Variants in SNTG1 observed in about 807,000 individuals in gnomAD.
The protein encoded by SNTG1 is syntrophin gamma 1.
SNTG1 carries 39 observed loss-of-function variants against 74.7 expected under a neutral mutation model. The observed-to-expected ratio is 0.52, with a 90% confidence interval of 0.40 to 0.68. The LOEUF is 0.68. SNTG1 is among the 30% of genes least tolerant of loss of function. SNTG1 has a pLI of 0.00. For missense variants in SNTG1, 685 were observed against 609.5 expected, an observed-to-expected ratio of 1.12 and a Z score of -1.30; for synonymous variants, 254 against 217.1, an observed-to-expected ratio of 1.17 and a Z score of -1.49.
At position 50,394,225 on chromosome 8, in the gene SNTG1, T is replaced by A. The variant is rs769116610; in HGVS notation, c.-14T>A. The A allele has an allele frequency of 1.6e-5, 25 of 1,612,682 alleles. No individual in the cohort carries two copies. Among genetic ancestry groups the A allele is most frequent in the Non-Finnish European group, 2.1e-5 (25 of 1,179,238 alleles). ...GTGTCTTTTCAGACGACATCCTTTG[T>A]GGTGCCACAGCACATGGATTTCAGA... On this transcript the variant is annotated 5_prime_UTR_variant, in exon 3 of 19. Coordinates refer to ENST00000642720, the MANE Select transcript of SNTG1 (RefSeq NM_018967.5).
chr8:50,122,779 A>C (rs1312665410), intron 1 of SNTG1, among the ~76,000 whole-genome samples: 1 of 141,616 alleles, frequency 7.1e-6, no homozygotes, highest in African/African-American at 2.6e-5. Flanking sequence ...AATTCAAGAG[A>C]TATACCAGCT....
intron 2 of SNTG1, among the ~76,000 whole-genome samples, chr8:50,347,836 T>G (rs573081908): frequency 2.6e-5 from 4 of 152,222 alleles, no homozygotes; most frequent in Non-Finnish European, 4.4e-5. Flanking sequence ...CATACGTACT[T>G]AAATATTCAC....
At chr8:50,335,799 T>C (rs1563913485) in intron 2 of SNTG1, among the ~76,000 whole-genome samples, 1 of 151,328 alleles carries the variant, frequency 6.6e-6, no homozygotes, top group Non-Finnish European at 1.5e-5. Context: ...CACTGCCAAT[T>C]CTATGCTTTT....
chr8:50,246,637 T>C (rs4345571), intron 2 of SNTG1, among the ~76,000 whole-genome samples: 137,061 of 152,102 alleles, frequency 0.9, 63,000 homozygotes, highest in East Asian at 1. Context: ...GAGGAATGAA[T>C]AGGAGCATTA....
intron 1 of SNTG1, among the ~76,000 whole-genome samples, chr8:50,078,173 T>C (rs1256803288): frequency 1.3e-5 from 2 of 152,230 alleles, no homozygotes; most frequent in African/African-American, 4.8e-5. Flanking sequence ...ACTATCTTGA[T>C]TTCTGTAAGA....
chr8:50,363,634 C>G (rs2092025451), intron 2 of SNTG1, among the ~76,000 whole-genome samples: 1 of 152,132 alleles, frequency 6.6e-6, no homozygotes, highest in Non-Finnish European at 1.5e-5. Flanking sequence ...AAATATTAAG[C>G]ATGTGACATC....
At chr8:50,295,277 G>A (rs1028023076) in intron 2 of SNTG1, among the ~76,000 whole-genome samples, 3 of 152,098 alleles carry the variant, frequency 2.0e-5, no homozygotes, top group Non-Finnish European at 2.9e-5. Flanking sequence ...TAATGGCAAC[G>A]TTGATAGGAG....
At chr8:50,755,631 T>C (rs2095578450) in intron 18 of SNTG1, among the ~76,000 whole-genome samples, 1 of 151,914 alleles carries the variant, frequency 6.6e-6, no homozygotes, top group Non-Finnish European at 1.5e-5. Context: ...TGGAGTGTGA[T>C]TGCTAGATCA....
chr8:50,342,004 C>A, intron 2 of SNTG1, among the ~76,000 whole-genome samples: 1 of 151,956 alleles, frequency 6.6e-6, no homozygotes, highest in Non-Finnish European at 1.5e-5. Context: ...TGCTTTTCAT[C>A]ATCATTTCAT....
At chr8:50,289,657 G>T (rs542667427) in intron 2 of SNTG1, among the ~76,000 whole-genome samples, 22 of 152,238 alleles carry the variant, frequency 1.4e-4, no homozygotes, top group African/African-American at 5.1e-4. Flanking sequence ...TGTCTGTTTT[G>T]CGCTTTGCTG....
intron 2 of SNTG1, among the ~76,000 whole-genome samples, chr8:50,183,190 G>C (rs2083268224): frequency 1.3e-5 from 2 of 152,040 alleles, no homozygotes; most frequent in Non-Finnish European, 2.9e-5. Flanking sequence ...ACATCAACCT[G>C]GTCACTCCTG....
At chr8:50,728,249 C>T (rs1224175577) in intron 17 of SNTG1, among the ~76,000 whole-genome samples, 7 of 152,236 alleles carry the variant, frequency 4.6e-5, no homozygotes, top group East Asian at 1.9e-4. Flanking sequence ...TAACTATATA[C>T]GAAGAGGCCA....
intron 2 of SNTG1, among the ~76,000 whole-genome samples, chr8:50,393,482 G>T (rs2092688937): frequency 6.6e-6 from 1 of 152,056 alleles, no homozygotes; most frequent in Non-Finnish European, 1.5e-5. Context: ...GCATTGCTTT[G>T]TTTTATAGTG....
At chr8:50,221,042 A>G (rs768074456) in intron 2 of SNTG1, among the ~76,000 whole-genome samples, 20 of 152,326 alleles carry the variant, frequency 1.3e-4, no homozygotes, top group Admixed American at 2.0e-4. Flanking sequence ...TACTGGTATT[A>G]CATATATTAT....
At chr8:50,026,918 G>A (rs764051098) in intron 1 of SNTG1, among the ~76,000 whole-genome samples, 1 of 152,100 alleles carries the variant, frequency 6.6e-6, no homozygotes, top group Admixed American at 6.6e-5. Flanking sequence ...AAATGCACAA[G>A]CCCCAAATGT....
chr8:50,492,404 GT>G (rs935219539), intron 8 of SNTG1, among the ~76,000 whole-genome samples: 2 of 152,160 alleles, frequency 1.3e-5, no homozygotes, highest in African/African-American at 4.8e-5. Flanking sequence ...GGCATCTGTT[GT>G]TTCCTGAATT....
In SNTG1 at chr8:50,122,621, G is replaced by A. The variant is rs1483565715; in HGVS notation, c.-102-49940G>A. Reference sequence around the variant, plus strand: ...AATAACTAATTAAAGGAGGTGAGGCGGTAGCTCAGGAGCAGTGGGAAGATG... The same window carrying A: ...AATAACTAATTAAAGGAGGTGAGGCAGTAGCTCAGGAGCAGTGGGAAGATG... On this transcript the variant is annotated intron_variant, in intron 1 of 18. Transcript: ENST00000642720. Among the ~76,000 whole-genome samples the A allele has an allele frequency of 2.8e-5, 4 of 141,868 alleles. 1 individual carries two copies. Among genetic ancestry groups the A allele is most frequent in the Non-Finnish European group, 6.3e-5 (4 of 63,786 alleles). 93.1% of individuals were successfully genotyped at this position (141,868 alleles called of 152,430 possible). A position where few individuals can be genotyped will look rare whatever the true frequency, so the allele number is the denominator to read the frequency against.
rs1468722622 is a variant in SNTG1 at position 50,794,265 on chromosome 8, CAA to C, written c.*1438_*1439del. ...TTTTAAAAATCACTCAAGAAGGAAA[CAA>C]AGTGATTTCTATAAAGGACAGATTT... On this transcript the variant is annotated 3_prime_UTR_variant, in exon 19 of 19. Coordinates refer to ENST00000642720, the MANE Select transcript of SNTG1 (RefSeq NM_018967.5). 5 of 150,730 alleles carry C rather than the reference CAA, an allele frequency of 3.3e-5. No individual in the cohort carries two copies. The highest frequency in any genetic ancestry group is 1.5e-5 in the Non-Finnish European group (1 of 67,646). The allele number at this position is 150,730 out of a possible 1,614,324, so 9.3% of individuals were successfully genotyped here. A position where few individuals can be genotyped will look rare whatever the true frequency, so the allele number is the denominator to read the frequency against.
intron 18 of SNTG1, among the ~76,000 whole-genome samples, chr8:50,756,577 T>C (rs2095581090): frequency 6.6e-6 from 1 of 151,840 alleles, no homozygotes; most frequent in Admixed American, 6.6e-5. Flanking sequence ...TAGTTGACTG[T>C]ATTTATGTCG....
Sources: allele counts gnomAD v4.1 joint callset (sites outside exome capture counted in the v4.1 genomes callset), GRCh38; gene constraint gnomAD v4.1.1; transcripts MANE v1.5; gene names NCBI Gene and HGNC (gene_info 2026-07-23, HGNC 2026-07-21).